ADH5: variants seen among roughly 807,000 people sequenced by gnomAD.
ADH5 encodes alcohol dehydrogenase class-3.
In ADH5, 32 loss-of-function variants were observed where a neutral mutation model predicts 40.3. The ratio of observed to expected loss-of-function variants is 0.79; its 90% CI spans 0.60 to 1.07. The LOEUF is 1.07. Ranked by LOEUF, ADH5 falls within the 50% of genes least tolerant of loss-of-function variation. The pLI is 0.00. For synonymous variants in ADH5, 125 were observed against 154.3 expected (o/e 0.81, Z 1.41); for missense variants, 353 against 460.5 (o/e 0.77, Z 2.14).
chr4:99,088,617 A>G, intron 1 of ADH5, 72 bp downstream of exon 1: 3 of 1,441,150 alleles, frequency 2.1e-6, no homozygotes, highest in Non-Finnish European at 2.8e-6. Context: ...CGCGCCCCCG[A>G]GGATAGCAGC....
chr4:99,087,396 A>AGGGGGGGGGGGGGGGGGGGGGG (rs112581712), intron 1 of ADH5, among the ~76,000 whole-genome samples: 1 of 34,594 alleles, frequency 2.9e-5, no homozygotes, highest in Non-Finnish European at 6.8e-5. Context: ...CTGGCGGGGG[A>AGGGGGGGGGGGGGGGGGGGGGG]GGGGGGGGGG....
intron 1 of ADH5, among the ~76,000 whole-genome samples, chr4:99,088,339 C>G (rs1728189459): frequency 6.6e-6 from 1 of 152,126 alleles, no homozygotes; most frequent in Admixed American, 6.6e-5. Context: ...TGACCCAGAG[C>G]GAGTTACTTA....
intron 2 of ADH5, among the ~76,000 whole-genome samples, chr4:99,084,382 C>A (rs1560756135): frequency 2.6e-5 from 4 of 152,158 alleles, no homozygotes; most frequent in African/African-American, 9.7e-5. Context: ...TCATTATAGG[C>A]TAATCATAGT....
chr4:99,081,549 A>G (rs1240013783), intron 3 of ADH5, 97 bp from the exon 4 acceptor site: 16 of 874,258 alleles, frequency 1.8e-5, no homozygotes. Context: ...GTGGCTTTGC[A>G]AAGTTAAAAA....
intron 4 of ADH5, among the ~76,000 whole-genome samples, chr4:99,080,212 G>A (rs1728002618): frequency 6.6e-6 from 1 of 151,998 alleles, no homozygotes; most frequent in Non-Finnish European, 1.5e-5. Flanking sequence ...CAGGAGGGAG[G>A]GAGAGAAAAG....
At chr4:99,088,517 G>C (rs1579368807) in intron 1 of ADH5, among the ~76,000 whole-genome samples, 172 bp downstream of exon 1, 1 of 140,168 alleles carries the variant, frequency 7.1e-6, no homozygotes, top group Non-Finnish European at 1.5e-5. Flanking sequence ...CCGAGACAAA[G>C]CTTCCTTCTC....
chr4:99,077,030 G>A lies in ADH5; in HGVS notation c.345-107C>T, dbSNP rs1727944751. 3 of 801,582 alleles carry A rather than the reference G, an allele frequency of 3.7e-6. No homozygotes were observed. The South Asian group carries it at 5.6e-5, about 15-fold the overall frequency. The allele number at this position is 801,582 out of a possible 1,614,324, so 49.7% of individuals were successfully genotyped here. Reference sequence around the variant, plus strand: ...GACCAGTAAATATTAAGAAAGTGTTGTAAACTACAATTTCAAATATATTCA... The same window carrying A: ...GACCAGTAAATATTAAGAAAGTGTTATAAACTACAATTTCAAATATATTCA... On this transcript the variant is annotated intron_variant, in intron 4 of 8. Coordinates refer to ENST00000296412, the MANE Select transcript of ADH5 (RefSeq NM_000671.4).
chr4:99,072,348 G>A lies in ADH5; in HGVS notation c.*69C>T, dbSNP rs1311656474. ...TCTACGAGGCTGTGAGGTTGGAGGC[G>A]CTTCTCCCTGCCTGTTAAGCTGCTC... On this transcript the variant is annotated 3_prime_UTR_variant, in exon 9 of 9. Coordinates refer to ENST00000296412, the MANE Select transcript of ADH5 (RefSeq NM_000671.4). 1.1e-5 allele frequency: 16 copies of A among 1,495,510 alleles called. No homozygotes were observed. Among genetic ancestry groups the A allele is most frequent in the South Asian group, 2.3e-5 (2 of 85,894 alleles). The allele number at this position is 1,495,510 out of a possible 1,614,324, so 92.6% of individuals were successfully genotyped here. A position where few individuals can be genotyped will look rare whatever the true frequency, so the allele number is the denominator to read the frequency against.
At position 99,088,747 on chromosome 4, in the gene ADH5, C is replaced by T. The variant is rs769859421; in HGVS notation, c.-47G>A. On this transcript the variant is annotated 5_prime_UTR_variant, in exon 1 of 9. Coordinates refer to ENST00000296412, the MANE Select transcript of ADH5 (RefSeq NM_000671.4). ...CGGGGGGCTGACATCCGGGGTGGGCCGCGCAGCGACGGAGGCATGGGCGTG... is the reference window on the plus strand; with the variant it reads ...CGGGGGGCTGACATCCGGGGTGGGCTGCGCAGCGACGGAGGCATGGGCGTG... 29 of 1,564,736 alleles carry T rather than the reference C, an allele frequency of 1.9e-5. No individual in the cohort carries two copies. The highest frequency in any genetic ancestry group is 2.5e-5 in the Non-Finnish European group (29 of 1,154,168).
At position 99,071,164 on chromosome 4, in the gene ADH5, AG is replaced by A. The variant is rs1213634378; in HGVS notation, c.*1252del. On this transcript the variant is annotated 3_prime_UTR_variant, in exon 9 of 9. Transcript: ENST00000296412. ...ACAAAGTTGAGCACAGGATATGAACAGGTTCTTCACAATAAAATGTCCATTA... is the reference window on the plus strand; with the variant it reads ...ACAAAGTTGAGCACAGGATATGAACAGTTCTTCACAATAAAATGTCCATTA... 6.6e-6 allele frequency: 1 copy of A among 152,256 alleles called. No homozygotes were observed. The highest frequency in any genetic ancestry group is 1.5e-5 in the Non-Finnish European group (1 of 68,046). The allele number at this position is 152,256 out of a possible 1,614,324, so 9.4% of individuals were successfully genotyped here.
In ADH5 at chr4:99,072,304, T is replaced by A. The variant is rs1727848932; in HGVS notation, c.*113A>T. The A allele has an allele frequency of 1.1e-6, 1 of 906,464 alleles. No individual in the cohort carries two copies. Among genetic ancestry groups the A allele is most frequent in the Non-Finnish European group, 1.7e-6 (1 of 588,604 alleles). 56.2% of individuals were successfully genotyped at this position (906,464 alleles called of 1,614,324 possible). ...ATGAATGACACACATAACCCTATTT[T>A]CTGGAGTAGCTGTGAAGCTCTACGA... On this transcript the variant is annotated 3_prime_UTR_variant, in exon 9 of 9. Coordinates refer to ENST00000296412, the MANE Select transcript of ADH5 (RefSeq NM_000671.4).
chr4:99,085,122 C>A lies in ADH5; in HGVS notation c.107G>T (p.Arg36Leu), dbSNP rs201786928. The A allele has an allele frequency of 2.0e-6, 3 of 1,501,696 alleles. No homozygotes were observed. Among genetic ancestry groups the A allele is most frequent in the Non-Finnish European group, 2.7e-6 (3 of 1,121,854 alleles). The allele number at this position is 1,501,696 out of a possible 1,614,324, so 93.0% of individuals were successfully genotyped here. ...EVAPPKAHEV[R>L]IKIIATAVCH... Reference sequence around the variant, plus strand: ...CCTTAAATGTATCATTACCTTGATTCGAACTTCATGAGCCTTTGGGGGTGC... The same window carrying A: ...CCTTAAATGTATCATTACCTTGATTAGAACTTCATGAGCCTTTGGGGGTGC... The change falls in exon 2 of 9, where the codon CGA (arginine) becomes CTA (leucine). Residue 36 changes from arginine (R) to leucine (L), a missense_variant. By Grantham distance (102) the Arg-to-Leu change is moderately radical (BLOSUM62 -2). Coordinates refer to ENST00000296412, the MANE Select transcript of ADH5 (RefSeq NM_000671.4).
intron 1 of ADH5, among the ~76,000 whole-genome samples, chr4:99,085,906 G>A (rs927034355): frequency 1.3e-5 from 2 of 152,116 alleles, no homozygotes; most frequent in African/African-American, 4.8e-5. Flanking sequence ...ATGGTGGTGC[G>A]CATCTGTGTG....
At chr4:99,075,926 G>C (rs956084018) in intron 6 of ADH5, 5 of 187,406 alleles carry the variant, frequency 2.7e-5, no homozygotes, top group Admixed American at 1.1e-4. Flanking sequence ...ACCTGTACCT[G>C]CATTTTACAG....
At chr4:99,082,265 T>A (rs781061491) in intron 2 of ADH5, 149 bp from the exon 3 acceptor site, 1 of 924,092 alleles carries the variant, frequency 1.1e-6, no homozygotes, top group Non-Finnish European at 1.5e-6. Context: ...AAAATCAGCA[T>A]GTGCTTATAA....
At chr4:99,077,283 A>G (rs1727948069) in intron 4 of ADH5, among the ~76,000 whole-genome samples, 1 of 152,112 alleles carries the variant, frequency 6.6e-6, no homozygotes, top group Non-Finnish European at 1.5e-5. Flanking sequence ...AGTACTTTGG[A>G]AAGTTGAGAC....
In ADH5 at chr4:99,071,643, T is replaced by TA. The variant is rs1374051838; in HGVS notation, c.*773dup. On this transcript the variant is annotated 3_prime_UTR_variant, in exon 9 of 9. Coordinates refer to ENST00000296412, the MANE Select transcript of ADH5 (RefSeq NM_000671.4). ...TGAAAGTACAACAACACAGGAATGATAAACATCAAATTGTGGATAATTGTT... is the reference window on the plus strand; with the variant it reads ...TGAAAGTACAACAACACAGGAATGATAAAACATCAAATTGTGGATAATTGTT... 8 of 152,178 alleles carry TA rather than the reference T, an allele frequency of 5.3e-5. No individual in the cohort carries two copies. The highest frequency in any genetic ancestry group is 1.9e-4 in the African/African-American group (8 of 41,440). The allele number at this position is 152,178 out of a possible 1,614,324, so 9.4% of individuals were successfully genotyped here.
intron 4 of ADH5, chr4:99,079,770 T>C: frequency 3.3e-6 from 1 of 299,600 alleles, no homozygotes; most frequent in South Asian, 2.8e-5. Flanking sequence ...GGTTATCTCC[T>C]GCAGTCTTCC....
chr4:99,088,724 G>T lies in ADH5; in HGVS notation c.-24C>A. 1 of 1,606,586 alleles carries T rather than the reference G, an allele frequency of 6.2e-7. No homozygotes were observed. Among genetic ancestry groups the T allele is most frequent in the Non-Finnish European group, 8.5e-7 (1 of 1,175,958 alleles). On this transcript the variant is annotated 5_prime_UTR_variant, in exon 1 of 9. Transcript: ENST00000296412. ...ATGTTCACGGATTCTGGTCGGCGCG[G>T]GGGGCTGACATCCGGGGTGGGCCGC... is the stretch of plus-strand genomic sequence containing the variant.
Sources: allele counts gnomAD v4.1 joint callset (sites outside exome capture counted in the v4.1 genomes callset), GRCh38; gene constraint gnomAD v4.1.1; transcripts MANE v1.5; gene names NCBI Gene and HGNC (gene_info 2026-07-23, HGNC 2026-07-21).